The following PPA2 variants were observed in gnomAD, a reference collection of about 807,000 sequenced individuals.
PPA2 encodes inorganic pyrophosphatase 2, mitochondrial.
A neutral mutation model predicts 49.5 loss-of-function variants in PPA2; 48 were observed. The ratio of observed to expected loss-of-function variants is 0.97; its 90% confidence interval spans 0.77 to 1.23. The LOEUF (loss-of-function observed/expected upper bound fraction) is 1.23, where lower values mean the gene tolerates loss of function less well. PPA2 is among the 50% of genes most tolerant of loss of function. The pLI, the probability that PPA2 is intolerant of heterozygous loss-of-function variation, is 0.00. For missense variants in PPA2, 429 were observed against 410.1 expected, an observed-to-expected ratio of 1.05 and a Z score of -0.40; for synonymous variants, 131 against 139.9, an observed-to-expected ratio of 0.94 and a Z score of 0.45.
In PPA2 at chr4:105,438,715, C is replaced by G. The variant is rs543650892; in HGVS notation, c.442-679G>C. On this transcript the variant is annotated intron_variant, in intron 5 of 11. Coordinates refer to ENST00000341695, the MANE Select transcript of PPA2 (RefSeq NM_176869.3). ...AAATTTGCTAGTAAGATTAAAGATC[C>G]CTTAGGCACTATCTCTCCCAAAAAG... 1.4e-4 allele frequency among the ~76,000 whole-genome samples: 21 copies of G among 152,110 alleles called. No individual in the cohort carries two copies. In the South Asian group the frequency reaches 1.7e-3, roughly 12 times the overall value.
intron 10 of PPA2, among the ~76,000 whole-genome samples, chr4:105,381,001 T>C (rs1446586051): frequency 6.6e-6 from 1 of 152,158 alleles, no homozygotes; most frequent in Non-Finnish European, 1.5e-5. Context: ...TCTATACTCC[T>C]ATTATACCAT....
intron 6 of PPA2, among the ~76,000 whole-genome samples, chr4:105,431,518 A>C (rs1723798361): frequency 6.6e-6 from 1 of 152,202 alleles, no homozygotes; most frequent in African/African-American, 2.4e-5. Context: ...ATGCTGGGGA[A>C]AACAGTTTGG....
At chr4:105,432,413 A>C (rs1384568338) in intron 6 of PPA2, among the ~76,000 whole-genome samples, 1 of 152,282 alleles carries the variant, frequency 6.6e-6, no homozygotes, top group Non-Finnish European at 1.5e-5. Flanking sequence ...GTTGCAATGC[A>C]GCTGATTTAA....
intron 11 of PPA2, 59 bp from the exon 12 acceptor site, chr4:105,369,812 G>C: frequency 6.9e-7 from 1 of 1,443,236 alleles, no homozygotes; most frequent in Non-Finnish European, 9.8e-7. Flanking sequence ...GGAGAAGGGA[G>C]TGATTAATCA....
chr4:105,453,574 A>G, intron 3 of PPA2, 24 bp downstream of exon 3: 1 of 1,551,174 alleles, frequency 6.4e-7, no homozygotes, highest in Non-Finnish European at 8.8e-7. Context: ...AGTGATTCAC[A>G]AAAATAAAAA....
intron 1 of PPA2, among the ~76,000 whole-genome samples, chr4:105,463,590 C>T (rs1013489550): frequency 3.3e-5 from 5 of 152,216 alleles, no homozygotes; most frequent in Non-Finnish European, 5.9e-5. Flanking sequence ...TGTCAGAGGC[C>T]TTCACGGCAG....
At chr4:105,369,888 C>A (rs2110354874) in intron 11 of PPA2, 135 bp from the exon 12 acceptor site, 2 of 799,814 alleles carry the variant, frequency 2.5e-6, no homozygotes, top group Non-Finnish European at 2.1e-6. Flanking sequence ...TCTAAAGTTG[C>A]ATTTCTCTAT....
At chr4:105,371,358 C>T (rs954729153) in intron 10 of PPA2, among the ~76,000 whole-genome samples, 16 of 152,130 alleles carry the variant, frequency 1.1e-4, no homozygotes, top group African/African-American at 3.6e-4. Context: ...TTTGAAGAAA[C>T]ATTTTTATGC....
intron 5 of PPA2, among the ~76,000 whole-genome samples, chr4:105,445,627 A>G (rs1193735996): frequency 6.6e-6 from 1 of 152,096 alleles, no homozygotes; most frequent in African/African-American, 2.4e-5. Flanking sequence ...AAATAAAAAT[A>G]TAAAAATTAA....
At chr4:105,377,113 C>G (rs949942749) in intron 10 of PPA2, among the ~76,000 whole-genome samples, 1 of 152,144 alleles carries the variant, frequency 6.6e-6, no homozygotes, top group African/African-American at 2.4e-5. Context: ...CTATTAAAGT[C>G]TCTGAAAGTA....
intron 9 of PPA2, among the ~76,000 whole-genome samples, chr4:105,392,335 G>T (rs1167699537): frequency 1.3e-5 from 2 of 151,880 alleles, no homozygotes; most frequent in African/African-American, 4.8e-5. Context: ...CTTAATAAAA[G>T]CAGTGCTCCT....
intron 6 of PPA2, among the ~76,000 whole-genome samples, chr4:105,437,720 C>A (rs1724130633): frequency 6.6e-6 from 1 of 152,230 alleles, no homozygotes; most frequent in South Asian, 2.1e-4. Flanking sequence ...AATGGGCATA[C>A]CTGCGTTATT....
chr4:105,400,767 GGAGAAA>G (rs373365032), intron 7 of PPA2, among the ~76,000 whole-genome samples: 4 of 151,994 alleles, frequency 2.6e-5, no homozygotes, highest in African/African-American at 9.7e-5. Flanking sequence ...TGACTTCCAA[GGAGAAA>G]GAGAAAGCTA....
intron 10 of PPA2, among the ~76,000 whole-genome samples, chr4:105,385,595 A>C (rs183345868): frequency 6.6e-6 from 1 of 152,262 alleles, no homozygotes; most frequent in Non-Finnish European, 1.5e-5. Context: ...TGAGATTTCT[A>C]GCCTAAGATC....
At chr4:105,437,134 C>T (rs543584255) in intron 6 of PPA2, among the ~76,000 whole-genome samples, 134 of 151,938 alleles carry the variant, frequency 8.8e-4, no homozygotes, top group Non-Finnish European at 3.1e-4. Flanking sequence ...GCAAAGGCCA[C>T]GAACCAACAT....
chr4:105,473,482 A>C, intron 1 of PPA2: 1 of 414,326 alleles, frequency 2.4e-6, no homozygotes, highest in Non-Finnish European at 4.7e-6. Flanking sequence ...GCCTCTAGGA[A>C]GGCCGGCGTG....
intron 10 of PPA2, 102 bp downstream of exon 10, chr4:105,386,464 CA>C: frequency 1.0e-6 from 1 of 992,634 alleles, no homozygotes; most frequent in South Asian, 1.8e-5. Flanking sequence ...TTATGCTTCT[CA>C]AAAGGACTTG....
At chr4:105,395,994 A>T (rs930227100) in intron 9 of PPA2, among the ~76,000 whole-genome samples, 1 of 152,184 alleles carries the variant, frequency 6.6e-6, no homozygotes, top group Non-Finnish European at 1.5e-5. Context: ...TGCGTTTTTC[A>T]TCTTTGCACA....
chr4:105,448,107 A>G (rs757444192), intron 4 of PPA2: 24 of 397,564 alleles, frequency 6.0e-5, no homozygotes, highest in Middle Eastern at 7.1e-4. Flanking sequence ...TGTATATAGG[A>G]AACAAAAAAA....
Sources: gnomAD v4.1 joint callset for allele counts (sites outside exome capture counted in the v4.1 genomes callset) on GRCh38, gnomAD v4.1.1 for gene constraint, MANE v1.5 for transcripts, NCBI Gene and HGNC (gene_info 2026-07-23, HGNC 2026-07-21) for gene names.